SLC24A2: variants seen among roughly 807,000 people sequenced by gnomAD.
The protein encoded by SLC24A2 is solute carrier family 24 member 2.
SLC24A2 carries 36 observed loss-of-function variants against 62.0 expected under a neutral mutation model. The observed-to-expected ratio is 0.58, with a 90% CI of 0.44 to 0.77. The LOEUF is 0.77. SLC24A2 is among the 30% of genes least tolerant of loss of function. The probability of loss-of-function intolerance (pLI) is 0.00; values close to 1 mark genes in which losing one functional copy is unlikely to be tolerated. For synonymous variants in SLC24A2, 358 were observed against 294.0 expected (o/e 1.22, Z -2.23); for missense variants, 846 against 817.9 (o/e 1.03, Z -0.42).
intron 5 of SLC24A2, among the ~76,000 whole-genome samples, chr9:19,583,018 G>C (rs1836254268): frequency 6.6e-6 from 1 of 151,976 alleles, no homozygotes; most frequent in Admixed American, 6.6e-5. Flanking sequence ...TCTCATCCCA[G>C]CATCTTTAGT....
At chr9:20,297,791 A>G in the SLC24A2 span, among the ~76,000 whole-genome samples, 1 of 152,224 alleles carries the variant, frequency 6.6e-6, no homozygotes, top group African/African-American at 2.4e-5. Context: ...TAGGTTACAG[A>G]CAGTGCTGTG....
chr9:20,234,373 G>A, the SLC24A2 span, among the ~76,000 whole-genome samples: 1,796 of 152,294 alleles, frequency 0.012, 43 homozygotes, highest in African/African-American at 0.041. Flanking sequence ...CCAGTCAGAC[G>A]TAGATTTGGT....
At chr9:20,052,238 G>C in the SLC24A2 span, among the ~76,000 whole-genome samples, 3 of 152,116 alleles carry the variant, frequency 2.0e-5, no homozygotes, top group Admixed American at 2.0e-4. Context: ...GCATTGTCAT[G>C]TTTGCACTTG....
In SLC24A2 at chr9:19,514,194, G is replaced by A. The variant is rs984051623; in HGVS notation, c.*1959C>T. On this transcript the variant is annotated 3_prime_UTR_variant, in exon 11 of 11. Transcript: ENST00000341998. ...CTGTGGGGTGAGCTGAGGTTTTCTGGAAGGAATACTGAGCTTGATCTGGGG... is the reference window on the plus strand; with the variant it reads ...CTGTGGGGTGAGCTGAGGTTTTCTGAAAGGAATACTGAGCTTGATCTGGGG... 2 of 152,230 alleles carry A rather than the reference G, an allele frequency of 1.3e-5. No homozygotes were observed. The highest frequency in any genetic ancestry group is 3.9e-4 in the East Asian group (2 of 5,194). The allele number at this position is 152,230 out of a possible 1,614,324, so 9.4% of individuals were successfully genotyped here. A position where few individuals can be genotyped will look rare whatever the true frequency, so the allele number is the denominator to read the frequency against.
intron 7 of SLC24A2, among the ~76,000 whole-genome samples, chr9:19,559,643 C>T (rs879570286): frequency 6.6e-6 from 1 of 152,142 alleles, no homozygotes; most frequent in Non-Finnish European, 1.5e-5. Flanking sequence ...AAATCAACAA[C>T]TATTTGCCAA....
At chr9:19,829,452 T>A in the SLC24A2 span, among the ~76,000 whole-genome samples, 1 of 152,296 alleles carries the variant, frequency 6.6e-6, no homozygotes, top group African/African-American at 2.4e-5. Context: ...TTGAAAGGCA[T>A]TGACATGGTT....
chr9:20,164,668 T>A, the SLC24A2 span, among the ~76,000 whole-genome samples: 1 of 151,864 alleles, frequency 6.6e-6, no homozygotes, highest in East Asian at 1.9e-4. Context: ...CATGCTGCTA[T>A]AAAGACACAT....
At chr9:20,247,991 T>C in the SLC24A2 span, among the ~76,000 whole-genome samples, 2 of 152,244 alleles carry the variant, frequency 1.3e-5, no homozygotes, top group South Asian at 4.1e-4. Flanking sequence ...TAAATATTCT[T>C]GATTATATCC....
the SLC24A2 span, among the ~76,000 whole-genome samples, chr9:20,292,232 G>C: frequency 6.6e-6 from 1 of 152,168 alleles, no homozygotes; most frequent in African/African-American, 2.4e-5. Flanking sequence ...CCTGGGGAAT[G>C]ATACAATGGG....
At chr9:19,954,886 C>T in the SLC24A2 span, among the ~76,000 whole-genome samples, 1 of 152,082 alleles carries the variant, frequency 6.6e-6, no homozygotes, top group Non-Finnish European at 1.5e-5. Flanking sequence ...TAACAATTAC[C>T]ATTTAAATCA....
At chr9:19,767,497 G>A (rs1483204096) in intron 2 of SLC24A2, among the ~76,000 whole-genome samples, 1 of 152,210 alleles carries the variant, frequency 6.6e-6, no homozygotes, top group Non-Finnish European at 1.5e-5. Flanking sequence ...TCGTATCTGG[G>A]CCAGATAGCA....
intron 2 of SLC24A2, among the ~76,000 whole-genome samples, chr9:19,715,143 G>C (rs151085229): frequency 7.9e-5 from 12 of 152,196 alleles, no homozygotes; most frequent in East Asian, 3.9e-4. Context: ...CATTGTTTTT[G>C]AAGTATTTCC....
the SLC24A2 span, among the ~76,000 whole-genome samples, chr9:20,125,302 A>G: frequency 6.6e-6 from 1 of 152,216 alleles, no homozygotes; most frequent in Non-Finnish European, 1.5e-5. Flanking sequence ...ACAGATGAGG[A>G]AACTAAGGCT....
At chr9:19,828,449 T>C in the SLC24A2 span, among the ~76,000 whole-genome samples, 1 of 152,072 alleles carries the variant, frequency 6.6e-6, no homozygotes, top group African/African-American at 2.4e-5. Flanking sequence ...CCCATAATAA[T>C]TCAAAATAAA....
At chr9:20,134,591 C>G in the SLC24A2 span, among the ~76,000 whole-genome samples, 3 of 152,022 alleles carry the variant, frequency 2.0e-5, no homozygotes, top group African/African-American at 7.2e-5. Context: ...GGAATGAGAG[C>G]AACTGAAGAT....
intron 2 of SLC24A2, among the ~76,000 whole-genome samples, chr9:19,680,851 T>TTGTCTGTGTGTG (rs961039680): frequency 5.4e-5 from 8 of 147,074 alleles, no homozygotes; most frequent in African/African-American, 1.8e-4. Flanking sequence ...TATACCAGAG[T>TTGTCTGTGTGTG]TGTGTGTGTG....
the SLC24A2 span, among the ~76,000 whole-genome samples, chr9:20,276,844 A>G: frequency 1.5e-4 from 23 of 152,316 alleles, no homozygotes; most frequent in Non-Finnish European, 2.8e-4. Flanking sequence ...CACCCTCTGA[A>G]GCAATGGCCT....
chr9:20,269,701 A>T, the SLC24A2 span, among the ~76,000 whole-genome samples: 5 of 152,116 alleles, frequency 3.3e-5, no homozygotes, highest in Non-Finnish European at 7.4e-5. Flanking sequence ...AATTCCTTAG[A>T]GGCTTACCTT....
the SLC24A2 span, among the ~76,000 whole-genome samples, chr9:19,799,642 T>C: frequency 1.9e-3 from 285 of 152,308 alleles, 1 homozygote; most frequent in African/African-American, 6.1e-3. Context: ...TTTAGCCTCC[T>C]CTAACTGCAG....
Sources: allele counts gnomAD v4.1 joint callset (sites outside exome capture counted in the v4.1 genomes callset), GRCh38; gene constraint gnomAD v4.1.1; transcripts MANE v1.5; gene names NCBI Gene and HGNC (gene_info 2026-07-23, HGNC 2026-07-21).